The following CLYBL variants were observed in gnomAD, a reference collection of about 807,000 sequenced individuals.
CLYBL encodes citramalyl-CoA lyase, also known as citramalyl-CoA lyase, mitochondrial.
CLYBL carries 31 observed loss-of-function variants against 38.9 expected under a neutral mutation model. The observed-to-expected ratio is 0.80, with a 90% confidence interval of 0.60 to 1.08. The LOEUF (loss-of-function observed/expected upper bound fraction) is 1.08, where lower values mean the gene tolerates loss of function less well. Ranked by LOEUF, CLYBL falls within the 50% of genes least tolerant of loss-of-function variation. The pLI is 0.00. For synonymous variants in CLYBL, 171 were observed against 158.6 expected (o/e 1.08, Z -0.59); for missense variants, 434 against 411.6 (o/e 1.05, Z -0.47).
intron 2 of CLYBL, among the ~76,000 whole-genome samples, chr13:99,839,303 G>T (rs915682234): frequency 6.6e-6 from 1 of 152,310 alleles, no homozygotes; most frequent in Admixed American, 6.5e-5. Context: ...AACTAGGAGG[G>T]TTCGAAGACA....
chr13:99,647,139 T>G (rs1202159481), intron 1 of CLYBL, among the ~76,000 whole-genome samples: 1 of 152,166 alleles, frequency 6.6e-6, no homozygotes, highest in Non-Finnish European at 1.5e-5. Context: ...GTGGCCAGTG[T>G]TTGAAAGGCT....
exon 10 of CLYBL, among the ~76,000 whole-genome samples, chr13:99,909,094 C>T (rs910993458): frequency 3.9e-5 from 6 of 152,170 alleles, no homozygotes; most frequent in Non-Finnish European, 8.8e-5. Context: ...AACAGAAAAC[C>T]CTTCAAAAGT....
chr13:99,640,996 T>G (rs2047084436), intron 1 of CLYBL, among the ~76,000 whole-genome samples: 1 of 152,250 alleles, frequency 6.6e-6, no homozygotes. Context: ...GGTTTACATA[T>G]ATTGTTTTTC....
At chr13:99,770,809 C>T (rs1386116775) in intron 1 of CLYBL, among the ~76,000 whole-genome samples, 1 of 151,986 alleles carries the variant, frequency 6.6e-6, no homozygotes. Flanking sequence ...GCAATCTCCA[C>T]CTCCTGGGTT....
intron 1 of CLYBL, among the ~76,000 whole-genome samples, chr13:99,683,767 A>G (rs1405884061): frequency 2.0e-5 from 3 of 148,734 alleles, no homozygotes; most frequent in Non-Finnish European, 4.4e-5. Flanking sequence ...GGAGGCGTAT[A>G]GTCTAAAATG....
At chr13:99,622,134 G>A (rs2046806966) in intron 1 of CLYBL, among the ~76,000 whole-genome samples, 1 of 152,174 alleles carries the variant, frequency 6.6e-6, no homozygotes, top group African/African-American at 2.4e-5. Flanking sequence ...TGTTGCTTCT[G>A]CCACCCTTTT....
chr13:99,711,633 C>T (rs193172154), intron 1 of CLYBL, among the ~76,000 whole-genome samples: 72 of 150,008 alleles, frequency 4.8e-4, no homozygotes, highest in Admixed American at 3.2e-3. Context: ...CTTGAACTCC[C>T]GACCTCAGGT....
chr13:99,741,776 C>A (rs2048760988), intron 1 of CLYBL, among the ~76,000 whole-genome samples: 1 of 152,170 alleles, frequency 6.6e-6, no homozygotes, highest in Non-Finnish European at 1.5e-5. Flanking sequence ...CGTGCCCAGC[C>A]AAGCATATGT....
intron 1 of CLYBL, among the ~76,000 whole-genome samples, chr13:99,695,331 C>T (rs918325629): frequency 6.6e-6 from 1 of 152,012 alleles, no homozygotes; most frequent in Non-Finnish European, 1.5e-5. Context: ...GCAAAGCACA[C>T]AAATATATTT....
intron 1 of CLYBL, among the ~76,000 whole-genome samples, chr13:99,648,598 A>G (rs567090119): frequency 2.0e-5 from 3 of 152,334 alleles, no homozygotes; most frequent in South Asian, 4.1e-4. Flanking sequence ...TAGGGCAGCC[A>G]GATGTGCTAA....
intron 1 of CLYBL, chr13:99,726,487 G>A (rs2048474128): frequency 6.6e-6 from 1 of 152,168 alleles, no homozygotes; most frequent in South Asian, 2.1e-4. Context: ...CTGAAATTGT[G>A]TGATTGATAG....
intron 1 of CLYBL, among the ~76,000 whole-genome samples, chr13:99,739,373 A>G (rs2048714811): frequency 6.6e-6 from 1 of 152,082 alleles, no homozygotes; most frequent in African/African-American, 2.4e-5. Context: ...GTGTTGGCAG[A>G]CTCTGGCCAG....
intron 1 of CLYBL, among the ~76,000 whole-genome samples, chr13:99,659,870 C>T (rs982306391): frequency 3.7e-4 from 56 of 152,270 alleles, no homozygotes; most frequent in Admixed American, 3.3e-3. Flanking sequence ...GCAGGGGCCT[C>T]CTGTACAGAC....
chr13:99,760,340 T>C (rs1041268944), intron 1 of CLYBL, among the ~76,000 whole-genome samples: 1 of 152,278 alleles, frequency 6.6e-6, no homozygotes, highest in African/African-American at 2.4e-5. Context: ...ATGGCTTTTA[T>C]AATTGCCTAT....
chr13:99,651,202 A>G (rs2047248199), intron 1 of CLYBL, among the ~76,000 whole-genome samples: 2 of 152,144 alleles, frequency 1.3e-5, no homozygotes, highest in African/African-American at 4.8e-5. Context: ...GTTAGATCCA[A>G]CCACCTAGGT....
At chr13:99,902,367 A>G in intron 8 of CLYBL, among the ~76,000 whole-genome samples, 1 of 152,194 alleles carries the variant, frequency 6.6e-6, no homozygotes, top group Admixed American at 6.5e-5. Flanking sequence ...TCATATAAGG[A>G]ATTTTAAATT....
chr13:99,621,537 A>G (rs1171929839), intron 1 of CLYBL, among the ~76,000 whole-genome samples: 2 of 151,354 alleles, frequency 1.3e-5, no homozygotes, highest in African/African-American at 4.9e-5. Context: ...TCCCACCCAC[A>G]CCCCATCTGT....
At chr13:99,754,267 G>A (rs985359398) in intron 1 of CLYBL, among the ~76,000 whole-genome samples, 23 of 151,358 alleles carry the variant, frequency 1.5e-4, no homozygotes, top group Non-Finnish European at 1.8e-4. Context: ...AAATTTAGCC[G>A]GGCATGGTAG....
At chr13:99,873,233 C>T (rs180700713) in intron 7 of CLYBL, among the ~76,000 whole-genome samples, 2 of 152,244 alleles carry the variant, frequency 1.3e-5, no homozygotes, top group South Asian at 2.1e-4. Context: ...ATAAACTGGC[C>T]GGTCACAGAA....
Sources: gnomAD v4.1 joint callset for allele counts (sites outside exome capture counted in the v4.1 genomes callset) on GRCh38, gnomAD v4.1.1 for gene constraint, MANE v1.5 for transcripts, NCBI Gene and HGNC (gene_info 2026-07-23, HGNC 2026-07-21) for gene names.